Variants in ZNF215 observed in about 807,000 individuals in gnomAD.
ZNF215 encodes BWSCR2-associated zinc finger protein 2.
Under a neutral mutation model 27.2 loss-of-function variants are expected in ZNF215, and 24 were observed. The observed-to-expected ratio is 0.88, with a 90% CI of 0.64 to 1.24. ZNF215 has a LOEUF of 1.24. ZNF215 is among the 50% of genes most tolerant of loss of function. The pLI is 0.00. For missense variants in ZNF215, 675 were observed against 605.7 expected, an observed-to-expected ratio of 1.11 and a Z score of -1.20; for synonymous variants, 210 against 204.0, an observed-to-expected ratio of 1.03 and a Z score of -0.25.
chr11:6,983,729 T>G (rs1468575405), intron 5 of ZNF215, among the ~76,000 whole-genome samples: 2 of 152,000 alleles, frequency 1.3e-5, no homozygotes, highest in African/African-American at 4.8e-5. Context: ...AAAATACGAA[T>G]AAAACCAAAA....
In ZNF215 at chr11:6,983,589, G is replaced by C. The variant is rs140355545; in HGVS notation, c.806-540G>C. Reference sequence around the variant, plus strand: ...GAATATAAATTCCAAATGTATCAAAGTTTTAAATATGAGAACTAAAATAAT... The same window carrying C: ...GAATATAAATTCCAAATGTATCAAACTTTTAAATATGAGAACTAAAATAAT... On this transcript the variant is annotated intron_variant, in intron 5 of 5. Coordinates refer to the ZNF215 transcript ENST00000529903. 5.3e-5 allele frequency among the ~76,000 whole-genome samples: 8 copies of C among 152,190 alleles called. No homozygotes were observed. The East Asian group carries it at 1.3e-3, about 26-fold the overall frequency.
downstream of ZNF215, among the ~76,000 whole-genome samples, chr11:6,989,371 CATT>C (rs1188480043): frequency 6.6e-6 from 1 of 152,000 alleles, no homozygotes; most frequent in East Asian, 1.9e-4. Flanking sequence ...GGAGCAAGGA[CATT>C]ATTTCTGGAG....
At position 6,957,759 on chromosome 11, in the gene ZNF215, T is replaced by G; in HGVS notation, c.*1228T>G. On this transcript the variant is annotated 3_prime_UTR_variant, in exon 7 of 7. Coordinates refer to ENST00000278319, the MANE Select transcript of ZNF215 (RefSeq NM_013250.4). ...CAGACTTACTGTACCTTTGGGAATT[T>G]AGGCTGGAGAGACGTCCATAGCCTT... The G allele has an allele frequency of 2.0e-6, 2 of 985,444 alleles. No homozygotes were observed. Among genetic ancestry groups the G allele is most frequent in the African/African-American group, 3.5e-5 (2 of 57,366 alleles). The allele number at this position is 985,444 out of a possible 1,614,324, so 61.0% of individuals were successfully genotyped here. A position where few individuals can be genotyped will look rare whatever the true frequency, so the allele number is the denominator to read the frequency against.
chr11:6,955,932 T>A lies in ZNF215; in HGVS notation c.955T>A (p.Cys319Ser), dbSNP rs768989009. 2 of 1,612,252 alleles carry A rather than the reference T, an allele frequency of 1.2e-6. No individual in the cohort carries two copies. The highest frequency in any genetic ancestry group is 1.7e-6 in the Non-Finnish European group (2 of 1,179,576). Residue 319 changes from cysteine (C) to serine (S), a missense_variant, in exon 7 of 7, where the codon TGT becomes AGT. Physicochemically the swap from Cys to Ser is moderately radical, Grantham distance 112 (BLOSUM62 -1). Transcript: ENST00000278319. ...SFDINSVSSICAIQVGIPSRK... is the reference protein window; with the variant it reads ...SFDINSVSSISAIQVGIPSRK... ...TGATATTAATTCAGTTAGCTCAATT[T>A]GTGCTATACAAGTGGGAATTCCTTC... is the stretch of plus-strand genomic sequence containing the variant.
intron 5 of ZNF215, among the ~76,000 whole-genome samples, chr11:6,970,007 C>G (rs1485983430): frequency 2.0e-5 from 3 of 152,154 alleles, no homozygotes; most frequent in Non-Finnish European, 4.4e-5. Flanking sequence ...TTCTCAAACT[C>G]ATGACCTTAA....
downstream of ZNF215, among the ~76,000 whole-genome samples, chr11:6,985,931 A>G (rs998124156): frequency 1.3e-4 from 20 of 152,186 alleles, 1 homozygote; most frequent in Admixed American, 1.3e-4. Context: ...AAGAATCAAT[A>G]TTATTTAAAT....
At chr11:6,960,130 T>G (rs563897972), downstream of ZNF215, among the ~76,000 whole-genome samples, 4 of 152,144 alleles carry the variant, frequency 2.6e-5, no homozygotes, top group South Asian at 8.3e-4. Flanking sequence ...GATCACATAT[T>G]GGGCTGATAG....
intron 5 of ZNF215, among the ~76,000 whole-genome samples, chr11:6,975,567 C>G (rs142335226): frequency 4.6e-5 from 7 of 151,946 alleles, no homozygotes; most frequent in African/African-American, 1.4e-4. Context: ...TCTCTACGTC[C>G]GTGAGTTCAA....
chr11:6,991,501 C>T (rs781774362), downstream of ZNF215, among the ~76,000 whole-genome samples: 1 of 152,210 alleles, frequency 6.6e-6, no homozygotes, highest in Non-Finnish European at 1.5e-5. Flanking sequence ...AGGCCTCCTG[C>T]ACTTACTGCC....
chr11:6,979,353 T>C (rs985710811), intron 5 of ZNF215, among the ~76,000 whole-genome samples: 2 of 151,886 alleles, frequency 1.3e-5, no homozygotes, highest in Non-Finnish European at 2.9e-5. Context: ...GATTGTGGTA[T>C]ATTAGAACAA....
rs1301008419 is a variant in ZNF215 at position 6,932,335 on chromosome 11, AAGAG to A, written c.66_69del (p.Glu23PhefsTer2). ...CTCGAAACCTGTCTCTACGTGAACA[AAGAG>A]AGGTTCTGAGAGCAGATATGTCTTG... is the stretch of plus-strand genomic sequence containing the variant. On this transcript the variant is annotated frameshift_variant, in exon 3 of 7. Transcript: ENST00000278319. LOFTEE classifies it high-confidence loss of function. 1.2e-6 allele frequency: 2 copies of A among 1,614,170 alleles called. No individual in the cohort carries two copies. Among genetic ancestry groups the A allele is most frequent in the Admixed American group, 1.7e-5 (1 of 60,016 alleles).
At chr11:6,928,967 G>A (rs1330415802) in intron 2 of ZNF215, among the ~76,000 whole-genome samples, 3 of 152,134 alleles carry the variant, frequency 2.0e-5, no homozygotes, top group Non-Finnish European at 2.9e-5. Context: ...CGAATGAGGA[G>A]AAAGATGGTC....
intron 5 of ZNF215, among the ~76,000 whole-genome samples, chr11:6,982,433 C>A (rs56111244): frequency 6.6e-6 from 1 of 150,786 alleles, no homozygotes; most frequent in African/African-American, 2.4e-5. Context: ...GAACTCTCCA[C>A]CCCAAATCAA....
chr11:6,987,205 ATAT>A (rs1437883354), downstream of ZNF215, among the ~76,000 whole-genome samples: 1 of 152,300 alleles, frequency 6.6e-6, no homozygotes, highest in African/African-American at 2.4e-5. Flanking sequence ...AAAACGAATG[ATAT>A]TATGTCTTTC....
intron 6 of ZNF215, among the ~76,000 whole-genome samples, chr11:6,952,773 C>T (rs1352296972): frequency 2.6e-5 from 4 of 152,098 alleles, no homozygotes; most frequent in Non-Finnish European, 5.9e-5. Flanking sequence ...TTGATCCTAT[C>T]ATTATGATGT....
rs1038195960 is a variant in ZNF215 at position 6,981,986 on chromosome 11, G to A, written c.806-2143G>A. 2.0e-5 allele frequency among the ~76,000 whole-genome samples: 3 copies of A among 152,142 alleles called. 1 individual carries two copies. The highest frequency in any genetic ancestry group is 6.3e-3 in the Middle Eastern group (2 of 316). On this transcript the variant is annotated intron_variant, in intron 5 of 5. Coordinates refer to the ZNF215 transcript ENST00000529903. ...GATCGATATCTCTGGTTTGGTACCA[G>A]TACCATGCTGTTTTGGTTATTGTAG... is the stretch of plus-strand genomic sequence containing the variant.
chr11:6,942,662 C>T (rs565255801), intron 4 of ZNF215, among the ~76,000 whole-genome samples: 16 of 152,220 alleles, frequency 1.1e-4, no homozygotes, highest in African/African-American at 3.6e-4. Flanking sequence ...AAAGAAAATG[C>T]CCTACCTCTC....
rs762632056 is a variant in ZNF215, at chr11:6,932,276, CA to C, written c.5del (p.Gln2ArgfsTer3). The C allele has an allele frequency of 6.2e-7, 1 of 1,612,498 alleles. No homozygotes were observed. The highest frequency in any genetic ancestry group is 1.1e-5 in the South Asian group (1 of 90,910). Reference protein sequence around the residue: MQPLSKLMAISK... With the variant: MXPLSKLMAISK... ...TGTGGGAGTTCTATTTAGGAAGATG[CA>C]GCCTCTGAGCAAGTTGATGGCTATC... On this transcript the variant is annotated frameshift_variant, in exon 3 of 7. Coordinates refer to ENST00000278319, the MANE Select transcript of ZNF215 (RefSeq NM_013250.4). LOFTEE classifies it high-confidence loss of function.
In ZNF215 at chr11:6,936,177, C is replaced by G. The variant is rs57043239; in HGVS notation, c.400+3505C>G. ...TAGAACAAAGATAAATGATGTGGAG[C>G]CCACAAAAATAATAGAACCAACAAA... On this transcript the variant is annotated intron_variant, in intron 3 of 6. Coordinates refer to ENST00000278319, the MANE Select transcript of ZNF215 (RefSeq NM_013250.4). 6.1e-3 allele frequency among the ~76,000 whole-genome samples: 927 copies of G among 151,866 alleles called. 7 individuals are homozygous for G. The highest frequency in any genetic ancestry group is 0.02 in the African/African-American group (816 of 41,486).
Sources: gnomAD v4.1 joint callset for allele counts (sites outside exome capture counted in the v4.1 genomes callset) on GRCh38, gnomAD v4.1.1 for gene constraint, MANE v1.5 for transcripts, NCBI Gene and HGNC (gene_info 2026-07-23, HGNC 2026-07-21) for gene names.